The following DLGAP1 variants were observed in gnomAD, a reference collection of about 807,000 sequenced individuals.
The protein encoded by DLGAP1 is disks large-associated protein 1.
In DLGAP1, 11 loss-of-function variants were observed where a neutral mutation model predicts 90.8. That is an observed-to-expected ratio of 0.12 (90% CI 0.08 to 0.20). The LOEUF is 0.20. DLGAP1 is among the 10% of genes least tolerant of loss of function. DLGAP1 has a pLI of 1.00. For synonymous variants in DLGAP1, 558 were observed against 540.7 expected (o/e 1.03, Z -0.44); for missense variants, 1,050 against 1,333.8 (o/e 0.79, Z 3.31).
intron 9 of DLGAP1, among the ~76,000 whole-genome samples, chr18:3,559,440 GTTCT>G (rs1180940889): frequency 6.6e-6 from 1 of 151,706 alleles, no homozygotes; most frequent in African/African-American, 2.4e-5. Context: ...TTTCACCTTT[GTTCT>G]TTCTTCTTAT....
intron 1 of DLGAP1, among the ~76,000 whole-genome samples, chr18:4,182,065 C>A (rs77506827): frequency 6.6e-6 from 1 of 152,026 alleles, no homozygotes; most frequent in African/African-American, 2.4e-5. Context: ...AAGCAGGAGT[C>A]GGGAAAGACT....
At chr18:3,509,079 G>A (rs1426091987) in intron 10 of DLGAP1, among the ~76,000 whole-genome samples, 1 of 151,558 alleles carries the variant, frequency 6.6e-6, no homozygotes, top group Non-Finnish European at 1.5e-5. Context: ...ATGGTCGGCT[G>A]GCTTGTTTTT....
intron 1 of DLGAP1, among the ~76,000 whole-genome samples, chr18:4,236,411 C>T (rs986732051): frequency 6.6e-6 from 1 of 152,134 alleles, no homozygotes; most frequent in East Asian, 1.9e-4. Context: ...AGTAAATGTG[C>T]CACTGAAGCA....
intron 1 of DLGAP1, among the ~76,000 whole-genome samples, chr18:4,202,541 T>A (rs1360078440): frequency 6.6e-6 from 1 of 152,352 alleles, no homozygotes; most frequent in Non-Finnish European, 1.5e-5. Flanking sequence ...AGATCAAAGC[T>A]AGTTGAAATC....
At chr18:3,668,824 C>G (rs2059973657) in intron 7 of DLGAP1, among the ~76,000 whole-genome samples, 1 of 152,024 alleles carries the variant, frequency 6.6e-6, no homozygotes, top group South Asian at 2.1e-4. Flanking sequence ...ATGGTGAAAC[C>G]CCGTCTCTAC....
At position 3,981,925 on chromosome 18, in the gene DLGAP1, A is replaced by G. The variant is rs1429737752; in HGVS notation, c.-73+23191T>C. On this transcript the variant is annotated intron_variant, in intron 3 of 12. Transcript: ENST00000315677. ...TTTTCATTGCTAATGTCTTATGACA[A>G]CTCTTCTGTAGTTATCTTGACTACT... Among the ~76,000 whole-genome samples, 3 of 151,766 alleles carry G rather than the reference A, an allele frequency of 2.0e-5. No homozygotes were observed. The East Asian group carries it at 5.8e-4, about 29-fold the overall frequency.
chr18:3,788,381 C>T (rs922246673), intron 5 of DLGAP1, among the ~76,000 whole-genome samples: 1 of 152,166 alleles, frequency 6.6e-6, no homozygotes, highest in African/African-American at 2.4e-5. Context: ...CCTGCTTAAT[C>T]CTTTCAATCC....
At chr18:3,562,842 T>C (rs932217908) in intron 9 of DLGAP1, among the ~76,000 whole-genome samples, 2 of 152,120 alleles carry the variant, frequency 1.3e-5, no homozygotes, top group African/African-American at 4.8e-5. Context: ...TGTTTGTTTA[T>C]TTTTGAGACA....
rs368782435 is a variant in DLGAP1 at position 4,342,374 on chromosome 18, A to C, written c.-267+112632T>G. On this transcript the variant is annotated intron_variant, in intron 1 of 12. Coordinates refer to ENST00000315677, the MANE Select transcript of DLGAP1 (RefSeq NM_004746.4). This position sits in a 1 kb window ranked among gnomAD's most constrained non-coding sequence, Gnocchi z 5.8. ...AATAGAATATGTTAAATGGATAAAC[A>C]CTCCCAAATATCTTACATTTTAAAA... 3.3e-5 allele frequency among the ~76,000 whole-genome samples: 5 copies of C among 151,992 alleles called. No individual in the cohort carries two copies. The highest frequency in any genetic ancestry group is 2.9e-5 in the Non-Finnish European group (2 of 67,990).
At chr18:3,712,900 G>A (rs924497270) in intron 7 of DLGAP1, among the ~76,000 whole-genome samples, 3 of 152,244 alleles carry the variant, frequency 2.0e-5, no homozygotes, top group African/African-American at 7.2e-5. Flanking sequence ...AGGCAAATTC[G>A]TGGGAGTGAA....
intron 11 of DLGAP1, among the ~76,000 whole-genome samples, chr18:3,507,736 G>GTTTTTTTTTTTT (rs386386884): frequency 1.1e-5 from 1 of 89,976 alleles, no homozygotes; most frequent in Admixed American, 1.7e-4. Flanking sequence ...ATTCTTGAAG[G>GTTTTTTTTTTTT]TTTTTTTTTT....
At chr18:3,747,656 G>A (rs2063327466) in intron 5 of DLGAP1, among the ~76,000 whole-genome samples, 1 of 152,188 alleles carries the variant, frequency 6.6e-6, no homozygotes, top group South Asian at 2.1e-4. Context: ...ATGAGCGTCT[G>A]CTGGCTGAAT....
intron 7 of DLGAP1, among the ~76,000 whole-genome samples, chr18:3,683,281 GAGAACACATCAAGAGATGT>G (rs573424818): frequency 2.0e-5 from 3 of 152,238 alleles, no homozygotes; most frequent in East Asian, 1.9e-4. Context: ...CAAACATCAA[GAGAACACATCAAGAGATGT>G]AGAACACATC....
At chr18:3,614,560 T>C (rs1047128506) in intron 7 of DLGAP1, among the ~76,000 whole-genome samples, 7 of 151,726 alleles carry the variant, frequency 4.6e-5, no homozygotes, top group African/African-American at 1.7e-4. Flanking sequence ...AGGGTGAAGC[T>C]AAGTAGATTT....
rs112769787 is a variant in DLGAP1 at position 4,454,872 on chromosome 18, G to A, written c.-267+134C>T. On this transcript the variant is annotated intron_variant, in intron 1 of 12. Coordinates refer to ENST00000315677, the MANE Select transcript of DLGAP1 (RefSeq NM_004746.4). This position sits in a 1 kb window ranked among gnomAD's most constrained non-coding sequence, Gnocchi z 4.7. ...GCGGACTCTCGAGCCAGCGGCCGGG[G>A]GAGCCCAGCCCGCAGCCCCTCCGCG... 58,738 of 151,108 alleles carry A rather than the reference G, an allele frequency of 0.39. 12,261 individuals carry two copies. Among genetic ancestry groups the A allele is most frequent in the Non-Finnish European group, 0.47 (31,682 of 67,600 alleles). The allele number at this position is 151,108 out of a possible 1,614,324, so 9.4% of individuals were successfully genotyped here.
intron 10 of DLGAP1, among the ~76,000 whole-genome samples, chr18:3,527,659 C>T (rs1034356891): frequency 5.3e-5 from 8 of 152,058 alleles, no homozygotes; most frequent in Middle Eastern, 3.4e-3. Flanking sequence ...GGCACGATCA[C>T]GGCTCACTGT....
chr18:3,765,798 C>T (rs2064216662), intron 5 of DLGAP1, among the ~76,000 whole-genome samples: 1 of 151,970 alleles, frequency 6.6e-6, no homozygotes, highest in South Asian at 2.1e-4. Flanking sequence ...CACACCTTTG[C>T]ACTCCAGCCT....
chr18:3,907,687 A>G (rs886549763), intron 3 of DLGAP1, among the ~76,000 whole-genome samples: 4 of 152,176 alleles, frequency 2.6e-5, no homozygotes, highest in African/African-American at 9.7e-5. Flanking sequence ...AGGTACACCC[A>G]CTTCAAGATC....
At chr18:3,866,810 T>C (rs1216169970) in intron 4 of DLGAP1, among the ~76,000 whole-genome samples, 1 of 152,220 alleles carries the variant, frequency 6.6e-6, no homozygotes, top group Non-Finnish European at 1.5e-5. Context: ...GGAAATGTCT[T>C]GAATATCCAT....
Sources: gnomAD v4.1 joint callset for allele counts (sites outside exome capture counted in the v4.1 genomes callset) on GRCh38, gnomAD v4.1.1 for gene constraint, Gnocchi (gnomAD v3.1) non-coding constraint, MANE v1.5 for transcripts, NCBI Gene and HGNC (gene_info 2026-07-23, HGNC 2026-07-21) for gene names.